CDH18: variants seen among roughly 807,000 people sequenced by gnomAD.
The protein encoded by CDH18 is cadherin-18.
Under a neutral mutation model 67.9 loss-of-function variants are expected in CDH18, and 31 were observed. The observed-to-expected ratio is 0.46, with a 90% CI of 0.34 to 0.62. The LOEUF is 0.62. Among genes scored for constraint, CDH18 ranks in the 20% least tolerant of loss-of-function variants. CDH18 has a pLI of 0.01. For missense variants in CDH18, 890 were observed against 975.5 expected (o/e 0.91, Z 1.17); for synonymous variants, 362 against 347.2 (o/e 1.04, Z -0.48).
chr5:20,156,406 G>T (rs1016524788), intron 2 of CDH18, among the ~76,000 whole-genome samples: 1 of 152,084 alleles, frequency 6.6e-6, no homozygotes, highest in African/African-American at 2.4e-5. Context: ...AGTCAAAAAA[G>T]AATGAAATAA....
chr5:19,956,351 T>G (rs1225627755), intron 2 of CDH18, among the ~76,000 whole-genome samples: 1 of 151,918 alleles, frequency 6.6e-6, no homozygotes, highest in African/African-American at 2.4e-5. Context: ...TCTAAATAAT[T>G]TATTTGTGGG....
intron 1 of CDH18, among the ~76,000 whole-genome samples, chr5:20,499,593 G>C (rs1250025474): frequency 1.3e-5 from 2 of 151,936 alleles, no homozygotes; most frequent in African/African-American, 4.8e-5. Flanking sequence ...TAAAAATATT[G>C]TGCCTTAATT....
chr5:20,044,393 T>C (rs1386425742), intron 2 of CDH18, among the ~76,000 whole-genome samples: 5 of 152,160 alleles, frequency 3.3e-5, no homozygotes, highest in Non-Finnish European at 7.4e-5. Flanking sequence ...ATAATAGACA[T>C]GAATAATTAT....
rs543078778 is a variant in CDH18, at chr5:19,812,855, C to T, written c.228+25904G>A. 2.0e-5 allele frequency among the ~76,000 whole-genome samples: 3 copies of T among 152,202 alleles called. No individual in the cohort carries two copies. In the South Asian group the frequency reaches 6.2e-4, roughly 32 times the overall value. Reference sequence around the variant, plus strand: ...ACAAGTACATGTATGTTTATTGCAGCACTATTCACAATAACAAAAGACTTG... The same window carrying T: ...ACAAGTACATGTATGTTTATTGCAGTACTATTCACAATAACAAAAGACTTG... On this transcript the variant is annotated intron_variant, in intron 3 of 12. Transcript: ENST00000382275.
At chr5:20,522,348 C>T (rs921945001) in intron 1 of CDH18, among the ~76,000 whole-genome samples, 1 of 152,182 alleles carries the variant, frequency 6.6e-6, no homozygotes, top group Non-Finnish European at 1.5e-5. Context: ...ATAACCATGT[C>T]TCCTACTCCT....
chr5:20,474,072 T>C (rs1581068014), intron 1 of CDH18, among the ~76,000 whole-genome samples: 1 of 152,180 alleles, frequency 6.6e-6, no homozygotes, highest in East Asian at 1.9e-4. Context: ...ATTTTTACAT[T>C]TATTTGTTTA....
chr5:20,202,117 T>C (rs191034229), intron 2 of CDH18, among the ~76,000 whole-genome samples: 46 of 152,316 alleles, frequency 3.0e-4, no homozygotes, highest in East Asian at 2.7e-3. Flanking sequence ...TTATATATGC[T>C]TCTGGTGATA....
chr5:20,090,773 T>A (rs887596255), intron 2 of CDH18, among the ~76,000 whole-genome samples: 60 of 151,916 alleles, frequency 3.9e-4, no homozygotes, highest in African/African-American at 1.3e-3. Flanking sequence ...CTCACACCAG[T>A]AATCCCAACA....
chr5:19,716,712 C>T (rs1413974604), intron 5 of CDH18, among the ~76,000 whole-genome samples: 4 of 151,784 alleles, frequency 2.6e-5, no homozygotes, highest in Non-Finnish European at 5.9e-5. Flanking sequence ...AATTAAAATA[C>T]CGAAATACAT....
In CDH18 at chr5:19,914,806, T is replaced by C. The variant is rs146939867; in HGVS notation, c.-257+66254A>G. Among the ~76,000 whole-genome samples the C allele has an allele frequency of 9.5e-4, 144 of 152,164 alleles. 1 individual carries two copies. Among genetic ancestry groups the C allele is most frequent in the East Asian group, 4.4e-3 (23 of 5,174 alleles). On this transcript the variant is annotated intron_variant, in intron 2 of 12. Transcript: ENST00000382275. ...ATGAAACATCAAGTCAATAGTTTCC[T>C]AAGAGCTGGAGACAACACTTCTAAA...
At chr5:19,675,061 G>A (rs962043580) in intron 5 of CDH18, among the ~76,000 whole-genome samples, 2 of 152,056 alleles carry the variant, frequency 1.3e-5, no homozygotes, top group African/African-American at 2.4e-5. Context: ...GACATCACAT[G>A]TCGGCAGGTT....
At chr5:19,707,805 C>T (rs897797200) in intron 5 of CDH18, among the ~76,000 whole-genome samples, 2 of 152,156 alleles carry the variant, frequency 1.3e-5, no homozygotes, top group Non-Finnish European at 2.9e-5. Context: ...AATAAATGTG[C>T]TTGTTTGGGA....
Position 19,963,353 on chromosome 5 carries a change from C to T in CDH18, c.-257+17707G>A, listed in dbSNP as rs116704805. On this transcript the variant is annotated intron_variant, in intron 2 of 12. Coordinates refer to ENST00000382275, the MANE Select transcript of CDH18 (RefSeq NM_004934.5). ...TCTCACACTGCTATAAAGAACTGTC[C>T]GAGCCTGGATAATCAATATGGTTTG... is the stretch of plus-strand genomic sequence containing the variant. Among the ~76,000 whole-genome samples the T allele has an allele frequency of 5.6e-3, 847 of 152,088 alleles. 2 individuals are homozygous for T. The highest frequency in any genetic ancestry group is 8.4e-3 in the Non-Finnish European group (574 of 68,000).
intron 2 of CDH18, among the ~76,000 whole-genome samples, chr5:19,948,326 T>C (rs1449650932): frequency 6.6e-6 from 1 of 152,178 alleles, no homozygotes; most frequent in Non-Finnish European, 1.5e-5. Flanking sequence ...ATGTTTATAA[T>C]AAGTCAAAAG....
rs1258249140 is a variant in CDH18, at chr5:19,540,288, C to T, written c.1390+3581G>A. On this transcript the variant is annotated intron_variant, in intron 9 of 12. Transcript: ENST00000382275. ...ACAAGCCCATGGGCTTGGGCTGGTC[C>T]ACCCCTGTGGCTTTGCAGGGTACAA... Among the ~76,000 whole-genome samples, 4 of 152,190 alleles carry T rather than the reference C, an allele frequency of 2.6e-5. 1 individual carries two copies. In the South Asian group the frequency reaches 6.2e-4, roughly 24 times the overall value.
chr5:20,269,767 TACA>T (rs1167393294), intron 1 of CDH18, among the ~76,000 whole-genome samples: 3 of 152,032 alleles, frequency 2.0e-5, no homozygotes, highest in Non-Finnish European at 4.4e-5. Flanking sequence ...AGTTAATGGG[TACA>T]ATGCACATTA....
chr5:19,483,387 G>T lies in CDH18; in HGVS notation c.1796C>A (p.Thr599Asn), dbSNP rs1189393523. 1 of 1,614,064 alleles carries T rather than the reference G, an allele frequency of 6.2e-7. No homozygotes were observed. The change falls in exon 12 of 13, where the codon ACC becomes AAC. Residue 599 changes from threonine (T) to asparagine (N), a missense_variant. Around this residue, in one of 2 missense-constraint regions of CDH18, gnomAD observed 656 missense variants for 668.1 expected, o/e 0.98. Coordinates refer to ENST00000382275, the MANE Select transcript of CDH18 (RefSeq NM_004934.5). ...CACERDGRVR[T>N]CHAEAFLSSA... is the part of the protein sequence containing the mutation. ...GGACAGGAAGGCTTCTGCATGGCAGGTCCGCACACGCCCATCTCTCTCGCA... is the reference window on the plus strand; with the variant it reads ...GGACAGGAAGGCTTCTGCATGGCAGTTCCGCACACGCCCATCTCTCTCGCA...
chr5:19,782,475 G>T (rs1423251392), intron 3 of CDH18, among the ~76,000 whole-genome samples: 4 of 152,116 alleles, frequency 2.6e-5, no homozygotes, highest in African/African-American at 2.4e-5. Flanking sequence ...AGGCAAAAGG[G>T]ATTTTCCTGT....
At chr5:20,359,065 G>A (rs1378380969) in intron 1 of CDH18, among the ~76,000 whole-genome samples, 1 of 151,560 alleles carries the variant, frequency 6.6e-6, no homozygotes, top group Non-Finnish European at 1.5e-5. Context: ...CCAAGTAGCT[G>A]GGATTACAGG....
Sources: allele counts gnomAD v4.1 joint callset (sites outside exome capture counted in the v4.1 genomes callset), GRCh38; gene constraint gnomAD v4.1.1; regional missense constraint gnomAD v4.1.1; transcripts MANE v1.5; gene names NCBI Gene and HGNC (gene_info 2026-07-23, HGNC 2026-07-21).